Variants in ROR1 observed in about 807,000 individuals in gnomAD.
The protein encoded by ROR1 is ROR family WNT receptor 1, also known as inactive tyrosine-protein kinase transmembrane receptor ROR1.
In ROR1, 19 loss-of-function variants were observed where a neutral mutation model predicts 78.8. The ratio of observed to expected loss-of-function variants is 0.24; its 90% CI spans 0.17 to 0.35. ROR1 has a LOEUF of 0.35. Among genes scored for constraint, ROR1 ranks in the 10% least tolerant of loss-of-function variants. ROR1 has a pLI of 1.00. For synonymous variants in ROR1, 386 were observed against 433.6 expected (o/e 0.89, Z 1.36); for missense variants, 917 against 1,177.8 (o/e 0.78, Z 3.24).
At chr1:63,878,502 T>C (rs1432665400) in intron 1 of ROR1, among the ~76,000 whole-genome samples, 2 of 152,156 alleles carry the variant, frequency 1.3e-5, no homozygotes, top group African/African-American at 4.8e-5. Flanking sequence ...TGATTTTTTT[T>C]TTTTTAAACA....
At chr1:64,111,457 C>G (rs1324629862) in intron 4 of ROR1, 1 of 152,130 alleles carries the variant, frequency 6.6e-6, no homozygotes, top group African/African-American at 2.4e-5. Context: ...GTTCCTAGTC[C>G]CATAATCTAA....
chr1:64,000,850 CTACCTCTGTTG>C (rs1166984984), intron 1 of ROR1, among the ~76,000 whole-genome samples: 3 of 152,212 alleles, frequency 2.0e-5, no homozygotes. Context: ...AACCCTGTGC[CTACCTCTGTTG>C]TACCTCTGAT....
chr1:64,154,466 A>T (rs1290218536), intron 7 of ROR1, among the ~76,000 whole-genome samples: 1 of 152,206 alleles, frequency 6.6e-6, no homozygotes, highest in Non-Finnish European at 1.5e-5. Context: ...CACCTTTGCC[A>T]TATTTAAAAC....
At chr1:64,125,677 G>T (rs939873515) in intron 4 of ROR1, among the ~76,000 whole-genome samples, 2 of 152,150 alleles carry the variant, frequency 1.3e-5, no homozygotes, top group African/African-American at 2.4e-5. Context: ...GACTAAAGTT[G>T]CAGGGCTTAT....
chr1:64,001,771 C>T (rs1262596591), intron 1 of ROR1, among the ~76,000 whole-genome samples: 1 of 152,152 alleles, frequency 6.6e-6, no homozygotes, highest in Non-Finnish European at 1.5e-5. Context: ...TCGCTCTGGC[C>T]TAGGGCTACA....
intron 1 of ROR1, among the ~76,000 whole-genome samples, chr1:63,865,168 T>C (rs1315190498): frequency 6.6e-6 from 1 of 152,210 alleles, no homozygotes. Flanking sequence ...TTTTAAATGT[T>C]ATTGGTAGTT....
intron 1 of ROR1, among the ~76,000 whole-genome samples, chr1:63,977,104 A>G (rs1316431914): frequency 1.3e-5 from 2 of 152,040 alleles, no homozygotes; most frequent in African/African-American, 4.8e-5. Context: ...ATCAGATCTC[A>G]TGGGAACTCA....
chr1:64,166,948 C>T (rs535064189), intron 8 of ROR1, among the ~76,000 whole-genome samples: 27 of 152,296 alleles, frequency 1.8e-4, no homozygotes, highest in Admixed American at 7.8e-4. Flanking sequence ...GCATCATAAA[C>T]GGACTAAAGT....
chr1:63,868,090 C>T (rs1264166043), intron 1 of ROR1, among the ~76,000 whole-genome samples: 1 of 152,128 alleles, frequency 6.6e-6, no homozygotes, highest in Non-Finnish European at 1.5e-5. Context: ...AAAAGGAGGA[C>T]ATTCTATAAT....
chr1:64,111,001 A>G (rs1462588007), intron 4 of ROR1: 1 of 152,152 alleles, frequency 6.6e-6, no homozygotes, highest in Admixed American at 6.6e-5. Flanking sequence ...GAAGAAAAAA[A>G]AAAAGAAAGT....
chr1:64,115,687 C>T (rs1648293344), intron 4 of ROR1, among the ~76,000 whole-genome samples: 1 of 151,954 alleles, frequency 6.6e-6, no homozygotes, highest in Admixed American at 6.6e-5. Flanking sequence ...TTATCATCTG[C>T]TTTTGCTCTA....
chr1:63,965,765 C>CT (rs1557586482), intron 1 of ROR1, among the ~76,000 whole-genome samples: 1 of 152,096 alleles, frequency 6.6e-6, no homozygotes, highest in South Asian at 2.1e-4. Context: ...GAGGATAGCC[C>CT]TTTTTTGGAG....
At chr1:63,775,321 G>T (rs1233196965) in intron 1 of ROR1, 1 of 152,282 alleles carries the variant, frequency 6.6e-6, no homozygotes, top group Admixed American at 6.5e-5. Context: ...AGTTCGCTGC[G>T]GGAAGCTGGG....
intron 1 of ROR1, among the ~76,000 whole-genome samples, chr1:63,857,835 G>A (rs1390980715): frequency 6.6e-6 from 1 of 152,160 alleles, no homozygotes; most frequent in Non-Finnish European, 1.5e-5. Context: ...GGTGACTCTG[G>A]AGCCCCACCT....
chr1:63,963,266 C>T (rs1646046543), intron 1 of ROR1, among the ~76,000 whole-genome samples: 2 of 152,204 alleles, frequency 1.3e-5, no homozygotes, highest in South Asian at 2.1e-4. Context: ...ATCTATTTCT[C>T]TTTTAGAAAA....
chr1:63,779,532 A>G (rs1644638410), intron 1 of ROR1, among the ~76,000 whole-genome samples: 1 of 152,008 alleles, frequency 6.6e-6, no homozygotes, highest in Non-Finnish European at 1.5e-5. Context: ...GGGGGAGGGG[A>G]TGGGGGCAAC....
chr1:63,921,879 A>T (rs1645657627), intron 1 of ROR1, among the ~76,000 whole-genome samples: 1 of 152,204 alleles, frequency 6.6e-6, no homozygotes. Flanking sequence ...CTCTTGGGAA[A>T]ACCAAAGAAA....
chr1:64,099,491 C>T (rs970191228), intron 4 of ROR1, among the ~76,000 whole-genome samples: 11 of 151,814 alleles, frequency 7.2e-5, no homozygotes, highest in South Asian at 4.2e-4. Flanking sequence ...CATCAGAGGC[C>T]GCCAGAGGAA....
intron 1 of ROR1, among the ~76,000 whole-genome samples, chr1:63,970,341 A>C (rs1292603463): frequency 6.6e-6 from 1 of 152,210 alleles, no homozygotes; most frequent in Non-Finnish European, 1.5e-5. Context: ...CTAGCCCAGT[A>C]ATATGTAATT....
Sources: allele counts gnomAD v4.1 joint callset (sites outside exome capture counted in the v4.1 genomes callset), GRCh38; gene constraint gnomAD v4.1.1; transcripts MANE v1.5; gene names NCBI Gene and HGNC (gene_info 2026-07-23, HGNC 2026-07-21).